Variants in U2SURP observed in about 807,000 individuals in gnomAD.
The protein encoded by U2SURP is U2 snRNP-associated SURP motif-containing protein.
U2SURP carries 9 observed loss-of-function variants against 144.9 expected under a neutral mutation model. The observed-to-expected ratio is 0.06, with a 90% CI of 0.04 to 0.11. U2SURP has a LOEUF of 0.11. Ranked by LOEUF, U2SURP falls within the 10% of genes least tolerant of loss-of-function variation. The pLI is 1.00. For synonymous variants in U2SURP, 408 were observed against 396.8 expected, an observed-to-expected ratio of 1.03 and a Z score of -0.33; for missense variants, 724 against 1,226.7, an observed-to-expected ratio of 0.59 and a Z score of 6.12.
chr3:143,032,084 T>C (rs1014461312), intron 16 of U2SURP, among the ~76,000 whole-genome samples: 1 of 152,016 alleles, frequency 6.6e-6, no homozygotes, highest in Non-Finnish European at 1.5e-5. Flanking sequence ...TTTTTTTTTT[T>C]TCCCCTGAGA....
chr3:143,032,100 T>TGTTG (rs1933536452), intron 16 of U2SURP, among the ~76,000 whole-genome samples: 1 of 149,598 alleles, frequency 6.7e-6, no homozygotes, highest in Non-Finnish European at 1.5e-5. Context: ...TGAGATGGAG[T>TGTTG]GTTGCTGTGT....
chr3:143,009,565 TCCAGCCTGGGAGA>T (rs997881460), intron 1 of U2SURP, among the ~76,000 whole-genome samples: 2 of 150,604 alleles, frequency 1.3e-5, no homozygotes, highest in African/African-American at 4.9e-5. Context: ...GCCACTGTAC[TCCAGCCTGGGAGA>T]CAGAGTAAGA....
At chr3:143,033,170 A>G in intron 17 of U2SURP, 101 bp from the exon 18 acceptor site, 1 of 842,410 alleles carries the variant, frequency 1.2e-6, no homozygotes, top group Non-Finnish European at 1.9e-6. Flanking sequence ...TTGTGGTGAT[A>G]CTGAGCTTCA....
At position 143,037,376 on chromosome 3, in the gene U2SURP, T is replaced by G. The variant is rs764409476; in HGVS notation, c.2221+41T>G. The stretch of plus-strand genomic sequence containing the variant: ...AAACTGATTAAATCTAGCTAATACA[T>G]TTGGTGACCAAAACTCTAATTTCCA... On this transcript the variant is annotated intron_variant, in intron 21 of 27. Transcript: ENST00000473835. 8.9e-6 allele frequency: 14 copies of G among 1,580,148 alleles called. No homozygotes were observed. The Admixed American group carries it at 2.5e-4, about 28-fold the overall frequency.
At chr3:143,053,902 A>G (rs1935015266) in intron 26 of U2SURP, 108 bp downstream of exon 26, 4 of 983,970 alleles carry the variant, frequency 4.1e-6, no homozygotes, top group Non-Finnish European at 5.8e-6. Context: ...TTTGTTCATG[A>G]TAAACTTGTT....
intron 1 of U2SURP, among the ~76,000 whole-genome samples, chr3:143,004,151 TG>T (rs1263688111): frequency 6.6e-6 from 1 of 152,208 alleles, no homozygotes; most frequent in African/African-American, 2.4e-5. Flanking sequence ...ACAATACAGA[TG>T]GAGTGAACAG....
At position 143,028,572 on chromosome 3, in the gene U2SURP, G is replaced by C; in HGVS notation, c.1536G>C (p.Leu512Phe). ...GGCCACCACCATTAAATCCGTACTT[G>C]CATGGAATGTCAGAAGAGCAAGAAA... ...FWRPPPLNPYLHGMSEEQETE... is the reference protein window; with the variant it reads ...FWRPPPLNPYFHGMSEEQETE... Residue 512 changes from leucine to phenylalanine, a missense_variant, in exon 16 of 28, where the codon TTG (leucine) becomes TTC (phenylalanine). Transcript: ENST00000473835. The C allele has an allele frequency of 6.2e-7, 1 of 1,601,360 alleles. No individual in the cohort carries two copies.
intron 13 of U2SURP, 184 bp from the exon 14 acceptor site, chr3:143,026,965 A>G: frequency 4.2e-6 from 2 of 474,706 alleles, no homozygotes; most frequent in East Asian, 3.3e-5. Flanking sequence ...CCCTACTCCC[A>G]CTGCCCCACA....
chr3:143,031,812 T>C (rs1455367751), intron 16 of U2SURP, among the ~76,000 whole-genome samples: 2 of 152,214 alleles, frequency 1.3e-5, no homozygotes, highest in Non-Finnish European at 2.9e-5. Context: ...ATTGATTCAT[T>C]GCCTATGAGA....
intron 18 of U2SURP, among the ~76,000 whole-genome samples, chr3:143,033,686 A>G (rs1294579561): frequency 1.3e-5 from 2 of 152,148 alleles, no homozygotes; most frequent in African/African-American, 4.8e-5. Flanking sequence ...TTACAGGTGA[A>G]TATTATGCCA....
intron 16 of U2SURP, among the ~76,000 whole-genome samples, chr3:143,030,194 T>C (rs1224093473): frequency 6.6e-6 from 1 of 152,222 alleles, no homozygotes; most frequent in Non-Finnish European, 1.5e-5. Flanking sequence ...TAAGAAAATG[T>C]AATTTAGCAC....
At chr3:143,017,614 C>CGTAT (rs1302778682) in intron 6 of U2SURP, among the ~76,000 whole-genome samples, 4 of 151,526 alleles carry the variant, frequency 2.6e-5, no homozygotes, top group Admixed American at 6.6e-5. Flanking sequence ...AATTCACATA[C>CGTAT]AATACAATAA....
intron 25 of U2SURP, 100 bp from the exon 26 acceptor site, chr3:143,053,576 T>A (rs1431803229): frequency 3.3e-6 from 3 of 910,364 alleles, no homozygotes; most frequent in Admixed American, 3.1e-5. Flanking sequence ...AGTAGTAATT[T>A]AAAAAATTAT....
At position 143,034,937 on chromosome 3, in the gene U2SURP, C is replaced by T; in HGVS notation, c.1903C>T (p.Arg635Cys). Residue 635 changes from arginine (R) to cysteine (C), a missense_variant, in exon 19 of 28, where the codon CGT becomes TGT. By Grantham distance (180) the Arg-to-Cys change is radical. Coordinates refer to ENST00000473835, the MANE Select transcript of U2SURP (RefSeq NM_001080415.2). Reference sequence around the variant, plus strand: ...ATTTTCAGACCTCAATGCCACCTATCGTACAATTCAAGGCCATTTACAATC... The same window carrying T: ...ATTTTCAGACCTCAATGCCACCTATTGTACAATTCAAGGCCATTTACAATC... ...QIFSDLNATY[R>C]TIQGHLQSEN... 2 of 1,590,060 alleles carry T rather than the reference C, an allele frequency of 1.3e-6. No homozygotes were observed. Among genetic ancestry groups the T allele is most frequent in the East Asian group, 2.3e-5 (1 of 43,544 alleles).
At chr3:143,004,580 C>CG (rs1553834336) in intron 1 of U2SURP, among the ~76,000 whole-genome samples, 2 of 84,372 alleles carry the variant, frequency 2.4e-5, no homozygotes, top group Non-Finnish European at 2.2e-5. Flanking sequence ...GTGACCCCCC[C>CG]CCCCCGCCTC....
chr3:143,002,151 G>A (rs560267407), intron 1 of U2SURP: 1 of 214,924 alleles, frequency 4.7e-6, no homozygotes, highest in African/African-American at 2.4e-5. Context: ...GTCGCCAGCT[G>A]TGAGGGGAGG....
At chr3:143,030,441 T>C (rs1265671534) in intron 16 of U2SURP, among the ~76,000 whole-genome samples, 2 of 152,260 alleles carry the variant, frequency 1.3e-5, no homozygotes, top group African/African-American at 4.8e-5. Flanking sequence ...GTTTACTGAA[T>C]ATTTTAAGCC....
intron 6 of U2SURP, among the ~76,000 whole-genome samples, chr3:143,019,481 A>G (rs533226980): frequency 3.3e-5 from 5 of 152,290 alleles, no homozygotes; most frequent in Non-Finnish European, 5.9e-5. Flanking sequence ...TAGAAGTCCA[A>G]CTTCATTTTT....
At chr3:143,051,516 A>G (rs1013291785) in intron 25 of U2SURP, among the ~76,000 whole-genome samples, 9 of 148,602 alleles carry the variant, frequency 6.1e-5, no homozygotes, top group Non-Finnish European at 1.2e-4. Flanking sequence ...GAGGGACTTT[A>G]TATTCTCGTG....
Sources: allele counts gnomAD v4.1 joint callset (sites outside exome capture counted in the v4.1 genomes callset), GRCh38; gene constraint gnomAD v4.1.1; transcripts MANE v1.5; gene names NCBI Gene and HGNC (gene_info 2026-07-23, HGNC 2026-07-21).